The following MIA2 variants were observed in gnomAD, a reference collection of about 807,000 sequenced individuals.
MIA2 encodes the protein melanoma inhibitory activity protein 2.
MIA2 carries 127 observed loss-of-function variants against 167.8 expected under a neutral mutation model. The ratio of observed to expected loss-of-function variants is 0.76; its 90% CI spans 0.66 to 0.88. The LOEUF (loss-of-function observed/expected upper bound fraction) is 0.88. Among genes scored for constraint, MIA2 ranks in the 40% least tolerant of loss-of-function variants. The probability of loss-of-function intolerance (pLI) is 0.00; values close to 1 mark genes in which losing one functional copy is unlikely to be tolerated. For missense variants in MIA2, 1,690 were observed against 1,624.7 expected (o/e 1.04, Z -0.69); for synonymous variants, 552 against 541.9 (o/e 1.02, Z -0.26).
At chr14:39,349,169 G>C (rs933117125) in intron 28 of MIA2, among the ~76,000 whole-genome samples, 192 bp downstream of exon 28, 1 of 152,146 alleles carries the variant, frequency 6.6e-6, no homozygotes, top group African/African-American at 2.4e-5. Context: ...TGAGGTTTCA[G>C]CTTGATTCAT....
At chr14:39,297,450 A>G (rs1331702148) in intron 13 of MIA2, among the ~76,000 whole-genome samples, 1 of 152,184 alleles carries the variant, frequency 6.6e-6, no homozygotes, top group Non-Finnish European at 1.5e-5. Context: ...GAGCATTTCC[A>G]CAGGGATGAG....
At chr14:39,327,699 A>G (rs1323842561) in intron 25 of MIA2, among the ~76,000 whole-genome samples, 4 of 151,282 alleles carry the variant, frequency 2.6e-5, no homozygotes, top group Non-Finnish European at 5.9e-5. Flanking sequence ...ACTCCCACTT[A>G]TGAGTGAGAA....
chr14:39,267,274 G>A (rs2055958157), intron 6 of MIA2: 2 of 1,441,028 alleles, frequency 1.4e-6, no homozygotes, highest in East Asian at 2.5e-5. Flanking sequence ...GATGGGCAGC[G>A]TAGGCCTGTG....
At chr14:39,280,837 G>T (rs910460885) in intron 9 of MIA2, among the ~76,000 whole-genome samples, 1 of 149,592 alleles carries the variant, frequency 6.7e-6, no homozygotes, top group Admixed American at 6.7e-5. Context: ...TCTAGGTGTG[G>T]TTTTTTTCTA....
chr14:39,243,408 C>G (rs566892563), intron 3 of MIA2, among the ~76,000 whole-genome samples: 1 of 152,140 alleles, frequency 6.6e-6, no homozygotes, highest in Non-Finnish European at 1.5e-5. Flanking sequence ...TTAATCCTCA[C>G]GACACCTCGG....
intron 6 of MIA2, chr14:39,266,440 G>A (rs2055651389): frequency 1.0e-6 from 1 of 985,450 alleles, no homozygotes; most frequent in Non-Finnish European, 1.2e-6. Flanking sequence ...CCAGGCCAAG[G>A]TCCACGGGGA....
chr14:39,316,147 C>T (rs1337322837), intron 21 of MIA2, among the ~76,000 whole-genome samples: 1 of 152,176 alleles, frequency 6.6e-6, no homozygotes, highest in Non-Finnish European at 1.5e-5. Flanking sequence ...GTTACCTGAT[C>T]CTCAGTGTTG....
At chr14:39,286,604 A>G (rs1487406904) in intron 9 of MIA2, among the ~76,000 whole-genome samples, 1 of 151,984 alleles carries the variant, frequency 6.6e-6, no homozygotes, top group Non-Finnish European at 1.5e-5. Context: ...TGGGTTTTCT[A>G]CATATAGGAT....
intron 20 of MIA2, chr14:39,315,120 T>TAAAAAAAAA (rs558848153): frequency 4.7e-5 from 5 of 105,796 alleles, no homozygotes; most frequent in Non-Finnish European, 7.0e-5. Context: ...CTGTCTCTAC[T>TAAAAAAAAA]AAAAAAAAAA....
intron 21 of MIA2, 61 bp downstream of exon 21, chr14:39,315,779 G>A (rs1353260923): frequency 3.1e-5 from 35 of 1,117,394 alleles, no homozygotes; most frequent in Non-Finnish European, 4.0e-5. Flanking sequence ...CAGAAGATAC[G>A]TTGTTTATTT....
chr14:39,386,124 A>G lies in MIA2; in HGVS notation c.2249-761A>G. The stretch of plus-strand genomic sequence containing the variant: ...TGCTTGATGACATCAAGCATTGGTC[A>G]TCTGACTCTGAACTAGAGTCTGAAA... On this transcript the variant is annotated intron_variant, in intron 23 of 23. Coordinates refer to the MIA2 transcript ENST00000341502. 1.5e-6 allele frequency: 2 copies of G among 1,307,744 alleles called. 1 individual carries two copies. The highest frequency in any genetic ancestry group is 2.5e-5 in the South Asian group (2 of 80,604). 81.0% of individuals were successfully genotyped at this position (1,307,744 alleles called of 1,614,324 possible). A position where few individuals can be genotyped will look rare whatever the true frequency, so the allele number is the denominator to read the frequency against.
rs1397878336 is a variant in MIA2, at chr14:39,298,413, T to TTTTATATATATATATATATATATATATA, written c.2497-1450_2497-1449insTTATATATATATATATATATATATATAT. ...TTTACCTGTATCATCTGATTCTGTT[T>TTTTATATATATATATATATATATATATA]TATATATATATATATATATATATAT... On this transcript the variant is annotated intron_variant, in intron 13 of 28. Coordinates refer to ENST00000640607, the MANE Select transcript of MIA2 (RefSeq NM_001329214.4). Among the ~76,000 whole-genome samples the TTTTATATATATATATATATATATATATA allele has an allele frequency of 3.1e-3, 80 of 26,124 alleles. 3 individuals are homozygous for TTTTATATATATATATATATATATATATA. Among genetic ancestry groups the TTTTATATATATATATATATATATATATA allele is most frequent in the African/African-American group, 8.9e-3 (64 of 7,186 alleles). The allele number at this position is 26,124 out of a possible 152,430, so 17.1% of individuals were successfully genotyped here.
chr14:39,310,831 G>A (rs555352098), intron 18 of MIA2, among the ~76,000 whole-genome samples: 1 of 152,254 alleles, frequency 6.6e-6, no homozygotes, highest in South Asian at 2.1e-4. Flanking sequence ...TGGCCCTTTG[G>A]CCCTTTGGGA....
chr14:39,359,464 G>A (rs1392425652), intron 23 of MIA2, among the ~76,000 whole-genome samples: 2 of 152,156 alleles, frequency 1.3e-5, no homozygotes, highest in Admixed American at 6.5e-5. Context: ...CCCTTCCTTG[G>A]CTAGGAAAGG....
intron 25 of MIA2, among the ~76,000 whole-genome samples, chr14:39,330,192 C>A (rs759216879): frequency 4.6e-5 from 7 of 152,108 alleles, no homozygotes; most frequent in Non-Finnish European, 1.0e-4. Flanking sequence ...CTGGTTTAGT[C>A]TTGTGAGGGT....
chr14:39,324,761 T>G (rs991670187), intron 24 of MIA2, among the ~76,000 whole-genome samples: 24 of 152,020 alleles, frequency 1.6e-4, no homozygotes, highest in Admixed American at 1.1e-3. Context: ...CACGTGCCAC[T>G]GTACCCAGCT....
Position 39,350,091 on chromosome 14 carries a change from T to C in MIA2, c.4073-7T>C. On this transcript the variant is annotated splice_region_variant and splice_polypyrimidine_tract_variant and intron_variant, in intron 28 of 28. Transcript: ENST00000640607. ...AAAAAATGTCTTTTACCAATCTCTT[T>C]GAACAGTGAGAAATGTCTATCCACC... The C allele has an allele frequency of 8.3e-7, 1 of 1,210,610 alleles. No individual in the cohort carries two copies. The highest frequency in any genetic ancestry group is 1.2e-6 in the Non-Finnish European group (1 of 859,328). 75.0% of individuals were successfully genotyped at this position (1,210,610 alleles called of 1,614,324 possible). A position where few individuals can be genotyped will look rare whatever the true frequency, so the allele number is the denominator to read the frequency against.
intron 13 of MIA2, among the ~76,000 whole-genome samples, chr14:39,298,023 A>G (rs990372995): frequency 2.0e-5 from 3 of 150,128 alleles, no homozygotes; most frequent in Non-Finnish European, 4.4e-5. Context: ...CTCATCTCCT[A>G]TTTTCTTTTT....
At chr14:39,287,482 G>GT (rs1310829004) in intron 9 of MIA2, among the ~76,000 whole-genome samples, 1 of 151,958 alleles carries the variant, frequency 6.6e-6, no homozygotes, top group Non-Finnish European at 1.5e-5. Flanking sequence ...GATATTTGCT[G>GT]TAAGTTTTTC....
Sources: allele counts gnomAD v4.1 joint callset (sites outside exome capture counted in the v4.1 genomes callset), GRCh38; gene constraint gnomAD v4.1.1; transcripts MANE v1.5; gene names NCBI Gene and HGNC (gene_info 2026-07-23, HGNC 2026-07-21).